Variants in HSD17B2 observed in about 807,000 individuals in gnomAD.
The protein encoded by HSD17B2 is hydroxysteroid 17-beta dehydrogenase 2.
A neutral mutation model predicts 26.9 loss-of-function variants in HSD17B2; 32 were observed. That is an observed-to-expected ratio of 1.19 (90% CI 0.90 to 1.60). HSD17B2 has a LOEUF of 1.60. Among genes scored for constraint, HSD17B2 ranks in the 40% most tolerant of loss-of-function variants. HSD17B2 has a pLI of 0.00. For synonymous variants in HSD17B2, 246 were observed against 186.7 expected (o/e 1.32, Z -2.59); for missense variants, 613 against 468.6 (o/e 1.31, Z -2.85).
At chr16:82,081,739 G>A (rs532070310) in intron 3 of HSD17B2, among the ~76,000 whole-genome samples, 64 of 152,204 alleles carry the variant, frequency 4.2e-4, no homozygotes, top group South Asian at 2.3e-3. Flanking sequence ...ACACTGCCCC[G>A]CACTTCTTTA....
chr16:82,079,622 C>T (rs1314624631), intron 3 of HSD17B2, among the ~76,000 whole-genome samples: 2 of 152,070 alleles, frequency 1.3e-5, no homozygotes. Context: ...CAATTCAGTC[C>T]ATAACACTGT....
At chr16:82,072,252 T>G (rs1367317069) in intron 3 of HSD17B2, among the ~76,000 whole-genome samples, 1 of 152,116 alleles carries the variant, frequency 6.6e-6, no homozygotes, top group Non-Finnish European at 1.5e-5. Flanking sequence ...AGACGAAGTG[T>G]CCTCTAGGAT....
chr16:82,069,825 T>C (rs1300747724), intron 2 of HSD17B2, among the ~76,000 whole-genome samples: 4 of 152,094 alleles, frequency 2.6e-5, no homozygotes, highest in Non-Finnish European at 5.9e-5. Flanking sequence ...TTAGGAATGT[T>C]AGTTGGTGAC....
chr16:82,048,514 C>T (rs1198132809), intron 1 of HSD17B2, among the ~76,000 whole-genome samples: 2 of 151,880 alleles, frequency 1.3e-5, no homozygotes, highest in Non-Finnish European at 2.9e-5. Flanking sequence ...GGAATTAGCT[C>T]CAGGGAACAT....
intron 1 of HSD17B2, among the ~76,000 whole-genome samples, chr16:82,066,567 C>T (rs1337442171): frequency 6.6e-6 from 1 of 152,136 alleles, no homozygotes; most frequent in South Asian, 2.1e-4. Context: ...AAATGGTAAA[C>T]ATTACAAGAT....
chr16:82,089,074 A>T (rs965992716), intron 3 of HSD17B2, among the ~76,000 whole-genome samples: 2 of 152,098 alleles, frequency 1.3e-5, no homozygotes, highest in African/African-American at 4.8e-5. Context: ...ATACCATCAC[A>T]CTAGGGGTTA....
At chr16:82,052,586 C>A (rs1914140166) in intron 1 of HSD17B2, 1 of 152,238 alleles carries the variant, frequency 6.6e-6, no homozygotes, top group South Asian at 2.1e-4. Context: ...CATGCATTTC[C>A]CTTGAACTAG....
chr16:82,083,726 T>C (rs973911107), intron 3 of HSD17B2, among the ~76,000 whole-genome samples: 1 of 152,152 alleles, frequency 6.6e-6, no homozygotes, highest in Admixed American at 6.5e-5. Context: ...CTTCATCCTC[T>C]GCCCCGTCAC....
chr16:82,097,992 T>A, intron 4 of HSD17B2, 83 bp from the exon 5 acceptor site: 2 of 1,364,012 alleles, frequency 1.5e-6, no homozygotes, highest in Non-Finnish European at 2.0e-6. Flanking sequence ...CAAAGGGCCA[T>A]CCTTCCCAAC....
chr16:82,057,488 C>T (rs1456242185), intron 1 of HSD17B2, among the ~76,000 whole-genome samples: 3 of 152,194 alleles, frequency 2.0e-5, no homozygotes, highest in East Asian at 1.9e-4. Flanking sequence ...TGAGCCACCG[C>T]GCCCAGCCTA....
intron 3 of HSD17B2, among the ~76,000 whole-genome samples, chr16:82,077,316 G>A (rs1386286640): frequency 6.6e-6 from 1 of 152,202 alleles, no homozygotes; most frequent in Non-Finnish European, 1.5e-5. Context: ...CATGAAAACA[G>A]ACATATAGAC....
At chr16:82,049,243 G>C (rs1470260061) in intron 1 of HSD17B2, among the ~76,000 whole-genome samples, 1 of 152,190 alleles carries the variant, frequency 6.6e-6, no homozygotes, top group African/African-American at 2.4e-5. Flanking sequence ...AGCGGGGAGT[G>C]ACAACATGCT....
chr16:82,090,113 G>A, intron 3 of HSD17B2: 1 of 417,240 alleles, frequency 2.4e-6, no homozygotes, highest in South Asian at 9.6e-5. Flanking sequence ...TTCCCAGGAT[G>A]TATGTTATTC....
chr16:82,067,948 C>G (rs1014311355), intron 1 of HSD17B2, among the ~76,000 whole-genome samples: 1 of 152,286 alleles, frequency 6.6e-6, no homozygotes, highest in Non-Finnish European at 1.5e-5. Flanking sequence ...ACTCACAACC[C>G]CTAATTCTAT....
chr16:82,056,796 A>G (rs959410359), intron 1 of HSD17B2, among the ~76,000 whole-genome samples: 11 of 152,248 alleles, frequency 7.2e-5, no homozygotes, highest in African/African-American at 2.7e-4. Flanking sequence ...CAAACAAACA[A>G]AAACAACCAA....
Position 82,051,642 on chromosome 16 carries a change from C to T in HSD17B2, c.265+15953C>T, listed in dbSNP as rs575061550. 4.6e-5 allele frequency among the ~76,000 whole-genome samples: 7 copies of T among 152,054 alleles called. No individual in the cohort carries two copies. In the East Asian group the frequency reaches 9.7e-4, roughly 21 times the overall value. On this transcript the variant is annotated intron_variant, in intron 1 of 4. Coordinates refer to ENST00000199936, the MANE Select transcript of HSD17B2 (RefSeq NM_002153.3). ...CATGCAGGGCTTAACACTAGGGTGA[C>T]GAGTTGATAGGTGAAGCAAACCACC...
At chr16:82,037,598 G>A (rs1913656399) in intron 1 of HSD17B2, among the ~76,000 whole-genome samples, 2 of 152,152 alleles carry the variant, frequency 1.3e-5, no homozygotes, top group South Asian at 4.1e-4. Context: ...ATGAAAAAAA[G>A]AGTAGAAGCA....
At chr16:82,090,791 C>A in intron 3 of HSD17B2, 111 bp from the exon 4 acceptor site, 1 of 1,072,540 alleles carries the variant, frequency 9.3e-7, no homozygotes, top group Non-Finnish European at 1.3e-6. Flanking sequence ...CCTTTGTCTG[C>A]CCAAGTCACT....
chr16:82,076,906 T>C (rs986931138), intron 3 of HSD17B2, among the ~76,000 whole-genome samples: 4 of 152,156 alleles, frequency 2.6e-5, no homozygotes, highest in African/African-American at 7.2e-5. Flanking sequence ...AAGAAAGTAA[T>C]CTCATTTACA....
Sources: allele counts gnomAD v4.1 joint callset (sites outside exome capture counted in the v4.1 genomes callset), GRCh38; gene constraint gnomAD v4.1.1; transcripts MANE v1.5; gene names NCBI Gene and HGNC (gene_info 2026-07-23, HGNC 2026-07-21).